NUP210L: variants seen among roughly 807,000 people sequenced by gnomAD.
NUP210L encodes nuclear pore membrane glycoprotein 210-like.
NUP210L carries 74 observed loss-of-function variants against 208.5 expected under a neutral mutation model. That is an observed-to-expected ratio of 0.35 (90% CI 0.29 to 0.43). NUP210L has a LOEUF of 0.43. Among genes scored for constraint, NUP210L ranks in the 20% least tolerant of loss-of-function variants. NUP210L has a pLI of 1.00. For missense variants in NUP210L, 1,843 were observed against 2,289.4 expected (o/e 0.81, Z 3.98); for synonymous variants, 780 against 816.9 (o/e 0.95, Z 0.77).
At chr1:154,102,021 C>G (rs955269503) in intron 13 of NUP210L, among the ~76,000 whole-genome samples, 10 of 152,032 alleles carry the variant, frequency 6.6e-5, no homozygotes, top group Admixed American at 3.3e-4. Flanking sequence ...TGTAGTGGCA[C>G]GTGCATGTAG....
At chr1:154,086,580 G>C (rs1655635441) in intron 16 of NUP210L, among the ~76,000 whole-genome samples, 1 of 151,998 alleles carries the variant, frequency 6.6e-6, no homozygotes, top group Admixed American at 6.6e-5. Context: ...GGAGGCCAAG[G>C]CCGGAGTATC....
intron 7 of NUP210L, among the ~76,000 whole-genome samples, chr1:154,130,876 T>C (rs1261301734): frequency 6.6e-6 from 1 of 152,052 alleles, no homozygotes; most frequent in Non-Finnish European, 1.5e-5. Flanking sequence ...TGAGCCACTG[T>C]GCCCGGCCTA....
intron 18 of NUP210L, among the ~76,000 whole-genome samples, chr1:154,061,286 G>C (rs1014115881): frequency 6.6e-6 from 1 of 151,984 alleles, no homozygotes; most frequent in East Asian, 1.9e-4. Context: ...GATGAGGCAG[G>C]AGAATCGCTT....
chr1:154,143,680 A>T, intron 2 of NUP210L, 103 bp from the exon 3 acceptor site: 1 of 980,442 alleles, frequency 1.0e-6, no homozygotes, highest in East Asian at 2.5e-5. Context: ...AAAAAGAAAG[A>T]CTATGACTGC....
exon 24 of NUP210L, chr1:154,054,780 T>C (rs1557943567): frequency 6.2e-7 from 1 of 1,612,402 alleles, no homozygotes; most frequent in Non-Finnish European, 8.5e-7. Flanking sequence ...CTGCATCATA[T>C]TCATTGGAAT....
intron 17 of NUP210L, among the ~76,000 whole-genome samples, chr1:154,062,975 G>C (rs1226040303): frequency 6.6e-6 from 1 of 152,032 alleles, no homozygotes; most frequent in Non-Finnish European, 1.5e-5. Context: ...CTAAATCTGT[G>C]AGGCAGTTTC....
intron 16 of NUP210L, among the ~76,000 whole-genome samples, chr1:154,082,732 A>C (rs928991759): frequency 6.6e-6 from 1 of 152,194 alleles, no homozygotes; most frequent in Admixed American, 6.5e-5. Context: ...TTGTTCCTTC[A>C]GATGCGTCCA....
chr1:154,024,922 GTTT>G (rs71096508), intron 30 of NUP210L, among the ~76,000 whole-genome samples: 2 of 83,684 alleles, frequency 2.4e-5, no homozygotes, highest in Admixed American at 2.8e-4. Flanking sequence ...AGGCTGATCT[GTTT>G]TTTTTTTTTT....
At chr1:154,010,098 A>C (rs1420731423) in exon 35 of NUP210L, 1 of 1,613,968 alleles carries the variant, frequency 6.2e-7, no homozygotes, top group Admixed American at 1.7e-5. Context: ...GTAATGGCCA[A>C]GGCCTGGTTT....
intron 16 of NUP210L, among the ~76,000 whole-genome samples, chr1:154,081,896 T>A (rs1655350702): frequency 6.6e-6 from 1 of 151,918 alleles, no homozygotes; most frequent in Admixed American, 6.6e-5. Flanking sequence ...GGTGGGAGGA[T>A]CACTTAAGCC....
At position 154,113,164 on chromosome 1, in the gene NUP210L, A is replaced by AT. The variant is rs1190075880; in HGVS notation, c.1620+4560_1620+4561insA. Among the ~76,000 whole-genome samples the AT allele has an allele frequency of 3.8e-4, 42 of 109,450 alleles. No homozygotes were observed. The East Asian group carries it at 5.5e-3, about 14-fold the overall frequency. The allele number at this position is 109,450 out of a possible 152,430, so 71.8% of individuals were successfully genotyped here. A position where few individuals can be genotyped will look rare whatever the true frequency, so the allele number is the denominator to read the frequency against. On this transcript the variant is annotated intron_variant, in intron 12 of 39. Coordinates refer to ENST00000368559, the Ensembl canonical transcript of NUP210L. ...GGGAGAGAAACCCTCTCTTAAAAAA[A>AT]AAAATATATATATATATATAAAATT...
intron 17 of NUP210L, among the ~76,000 whole-genome samples, chr1:154,065,256 C>T (rs927657836): frequency 6.6e-6 from 1 of 151,358 alleles, no homozygotes; most frequent in Admixed American, 6.6e-5. Flanking sequence ...CCTGTCTCTA[C>T]AAAAAATTAA....
intron 10 of NUP210L, among the ~76,000 whole-genome samples, chr1:154,125,942 G>A (rs1413665328): frequency 6.7e-6 from 1 of 149,570 alleles, no homozygotes; most frequent in Non-Finnish European, 1.5e-5. Context: ...TAATTTTTTT[G>A]TATTTTTAGT....
intron 12 of NUP210L, among the ~76,000 whole-genome samples, chr1:154,109,099 TCAAAAA>T (rs1338210767): frequency 4.6e-5 from 7 of 151,318 alleles, no homozygotes; most frequent in East Asian, 1.9e-4. Context: ...AAACTCCATC[TCAAAAA>T]CAAAAACAAA....
intron 37 of NUP210L, among the ~76,000 whole-genome samples, chr1:154,000,449 T>C (rs1650145220): frequency 6.6e-6 from 1 of 152,216 alleles, no homozygotes; most frequent in Non-Finnish European, 1.5e-5. Context: ...CTTTTTGGCA[T>C]ACCCGAATTG....
intron 7 of NUP210L, among the ~76,000 whole-genome samples, chr1:154,132,549 T>C (rs1658311626): frequency 1.3e-5 from 2 of 152,136 alleles, no homozygotes; most frequent in Admixed American, 1.3e-4. Flanking sequence ...ATATTATGAA[T>C]AGTCACCATC....
At chr1:154,096,818 T>C (rs981680863) in intron 14 of NUP210L, among the ~76,000 whole-genome samples, 2 of 151,766 alleles carry the variant, frequency 1.3e-5, no homozygotes, top group Non-Finnish European at 2.9e-5. Context: ...TGGTGGCTCA[T>C]GCCTGTAATG....
At chr1:154,134,081 C>A (rs747562127) in intron 7 of NUP210L, among the ~76,000 whole-genome samples, 1 of 147,800 alleles carries the variant, frequency 6.8e-6, no homozygotes, top group African/African-American at 2.5e-5. Flanking sequence ...ACCTGGGAGG[C>A]GGAGGTGGGA....
At chr1:154,103,219 C>T (rs1295054349) in intron 13 of NUP210L, among the ~76,000 whole-genome samples, 1 of 151,054 alleles carries the variant, frequency 6.6e-6, no homozygotes, top group Non-Finnish European at 1.5e-5. Context: ...CATGGCAAAA[C>T]CCCATATTTA....
Sources: allele counts gnomAD v4.1 joint callset (sites outside exome capture counted in the v4.1 genomes callset), GRCh38; gene constraint gnomAD v4.1.1; transcripts MANE v1.5; gene names NCBI Gene and HGNC (gene_info 2026-07-23, HGNC 2026-07-21).